Variants in L3MBTL3 observed in about 807,000 individuals in gnomAD.
L3MBTL3 encodes the protein lethal(3)malignant brain tumor-like protein 3.
L3MBTL3 carries 27 observed loss-of-function variants against 102.3 expected under a neutral mutation model. That is an observed-to-expected ratio of 0.26 (90% CI 0.19 to 0.36). L3MBTL3 has a LOEUF of 0.36. Among genes scored for constraint, L3MBTL3 ranks in the 10% least tolerant of loss-of-function variants. L3MBTL3 has a pLI of 1.00. For missense variants in L3MBTL3, 798 were observed against 955.3 expected (o/e 0.84, Z 2.17); for synonymous variants, 340 against 320.9 (o/e 1.06, Z -0.64).
chr6:130,117,812 G>T (rs1011070555), intron 19 of L3MBTL3, among the ~76,000 whole-genome samples: 4 of 149,158 alleles, frequency 2.7e-5, no homozygotes, highest in African/African-American at 9.9e-5. Context: ...TGACCCACCT[G>T]CCTCAGCTTC....
chr6:130,121,064 T>C, intron 20 of L3MBTL3, 106 bp downstream of exon 20: 1 of 724,914 alleles, frequency 1.4e-6, no homozygotes, highest in South Asian at 2.1e-5. Context: ...AAATGAATTT[T>C]ATTTTTTATT....
chr6:130,090,603 T>C (rs1783981951), intron 16 of L3MBTL3, among the ~76,000 whole-genome samples: 1 of 152,178 alleles, frequency 6.6e-6, no homozygotes. Context: ...TTCTTTTCTT[T>C]TTCTTTTTTT....
At chr6:130,118,424 G>A (rs1582611191) in intron 19 of L3MBTL3, among the ~76,000 whole-genome samples, 2 of 152,098 alleles carry the variant, frequency 1.3e-5, no homozygotes, top group East Asian at 1.9e-4. Flanking sequence ...GGATGTGCTC[G>A]ATTAAGATTC....
chr6:130,050,982 T>G lies in L3MBTL3; in HGVS notation c.290-267T>G, dbSNP rs531371131. On this transcript the variant is annotated intron_variant, in intron 5 of 22. Transcript: ENST00000361794. The stretch of plus-strand genomic sequence containing the variant: ...TCTGAATTTAGTGACTAGTGAAATT[T>G]TCTTCATTTTACTTTGAACTCTGTA... 2.6e-5 allele frequency among the ~76,000 whole-genome samples: 4 copies of G among 152,346 alleles called. No homozygotes were observed. In the East Asian group the frequency reaches 5.8e-4, roughly 22 times the overall value.
In L3MBTL3 at chr6:130,051,290, C is replaced by G; in HGVS notation, c.331C>G (p.Pro111Ala). ...TGGGATGCCTTTCAGGTTGAAGGATCCAGTGAAAGTAGAAGGGCTTCAGTT... is the reference window on the plus strand; with the variant it reads ...TGGGATGCCTTTCAGGTTGAAGGATGCAGTGAAAGTAGAAGGGCTTCAGTT... Reference protein sequence around the residue: ...KTGMPFRLKDPVKVEGLQFCE... With the variant: ...KTGMPFRLKDAVKVEGLQFCE... The change falls in exon 6 of 23, where the codon CCA becomes GCA. Residue 111 changes from proline to alanine, a missense_variant. Pro to Ala is a conservative substitution (Grantham distance 27, BLOSUM62 -1). Around this residue, in one of 4 missense-constraint regions of L3MBTL3, gnomAD observed 434 missense variants for 506.6 expected, o/e 0.86. Coordinates refer to ENST00000361794, the MANE Select transcript of L3MBTL3 (RefSeq NM_032438.4). 6.2e-7 allele frequency: 1 copy of G among 1,613,750 alleles called. No homozygotes were observed. The highest frequency in any genetic ancestry group is 8.5e-7 in the Non-Finnish European group (1 of 1,179,714).
At chr6:130,093,115 G>A (rs1448944949) in intron 17 of L3MBTL3, among the ~76,000 whole-genome samples, 1 of 152,108 alleles carries the variant, frequency 6.6e-6, no homozygotes, top group East Asian at 1.9e-4. Context: ...TACAATTAGT[G>A]TTGAATTTTT....
chr6:130,086,978 A>G (rs1016308937), intron 16 of L3MBTL3, among the ~76,000 whole-genome samples: 9 of 152,224 alleles, frequency 5.9e-5, no homozygotes, highest in Non-Finnish European at 1.2e-4. Flanking sequence ...TTCTCATATT[A>G]TTTAACATTT....
intron 3 of L3MBTL3, among the ~76,000 whole-genome samples, chr6:130,045,067 A>G (rs546294850): frequency 6.6e-6 from 1 of 152,254 alleles, no homozygotes; most frequent in East Asian, 1.9e-4. Flanking sequence ...TGCTGTTTTG[A>G]AATAACTTTT....
intron 3 of L3MBTL3, among the ~76,000 whole-genome samples, chr6:130,048,860 T>C (rs193234634): frequency 6.6e-6 from 1 of 152,096 alleles, no homozygotes; most frequent in East Asian, 1.9e-4. Context: ...AGTTGATTCC[T>C]GGGAAAAGAG....
chr6:130,062,010 GTT>G (rs1781929747), intron 10 of L3MBTL3, among the ~76,000 whole-genome samples: 1 of 152,102 alleles, frequency 6.6e-6, no homozygotes, highest in Non-Finnish European at 1.5e-5. Context: ...ACAGAATTGA[GTT>G]TTACAAAATC....
intron 12 of L3MBTL3, chr6:130,070,750 G>GC (rs1285088896): frequency 3.3e-6 from 1 of 298,920 alleles, no homozygotes; most frequent in East Asian, 4.5e-5. Context: ...TCGTTTTGAG[G>GC]CCCAGATAGC....
intron 13 of L3MBTL3, among the ~76,000 whole-genome samples, chr6:130,073,944 G>T (rs1782789521): frequency 6.6e-6 from 1 of 152,134 alleles, no homozygotes; most frequent in South Asian, 2.1e-4. Flanking sequence ...AACGAAAACA[G>T]TGTGTTTTCT....
rs189275372 is a variant in L3MBTL3 at position 130,051,375 on chromosome 6, G to A, written c.416G>A (p.Cys139Tyr). ...VDECLSGGNY[C>Y]SQNCARHIKD... ...GAGTGTCTTTCTGGAGGAAACTATT[G>A]CAGCCAGAATTGTGCTCGGCACATC... Residue 139 changes from cysteine (C) to tyrosine (Y), a missense_variant, in exon 6 of 23, where the codon TGC becomes TAC. Coordinates refer to ENST00000361794, the MANE Select transcript of L3MBTL3 (RefSeq NM_032438.4). 5 of 1,614,070 alleles carry A rather than the reference G, an allele frequency of 3.1e-6. No homozygotes were observed. The Admixed American group carries it at 5.0e-5, about 16-fold the overall frequency.
chr6:130,101,440 C>A (rs915999170), intron 18 of L3MBTL3, among the ~76,000 whole-genome samples: 1 of 152,180 alleles, frequency 6.6e-6, no homozygotes, highest in Non-Finnish European at 1.5e-5. Flanking sequence ...ACTAGGGAGC[C>A]ACAAGGGACC....
intron 16 of L3MBTL3, among the ~76,000 whole-genome samples, chr6:130,089,425 C>T (rs1783895882): frequency 6.6e-6 from 1 of 151,904 alleles, no homozygotes; most frequent in African/African-American, 2.4e-5. Flanking sequence ...CATAGTATTC[C>T]ATGGTGTATA....
chr6:130,134,129 C>T (rs1363869703), intron 22 of L3MBTL3, among the ~76,000 whole-genome samples: 1 of 152,006 alleles, frequency 6.6e-6, no homozygotes, highest in African/African-American at 2.4e-5. Flanking sequence ...TATGATACCC[C>T]ACAGCAGTAA....
At chr6:130,020,214 C>T (rs1433754317) in intron 1 of L3MBTL3, among the ~76,000 whole-genome samples, 6 of 147,370 alleles carry the variant, frequency 4.1e-5, no homozygotes, top group Admixed American at 1.3e-4. Flanking sequence ...CCCCGCGGGC[C>T]GTCCTCGCGC....
chr6:130,091,907 ATAGAGT>A (rs1784074676), intron 16 of L3MBTL3, among the ~76,000 whole-genome samples: 1 of 151,976 alleles, frequency 6.6e-6, no homozygotes, highest in African/African-American at 2.4e-5. Context: ...AGGCGCAAAA[ATAGAGT>A]TAGATAGAAT....
intron 3 of L3MBTL3, among the ~76,000 whole-genome samples, chr6:130,048,396 T>A (rs1299263342): frequency 6.6e-6 from 1 of 152,186 alleles, no homozygotes; most frequent in East Asian, 1.9e-4. Context: ...TTGAAACCCA[T>A]GAATGTGTGA....
Sources: gnomAD v4.1 joint callset for allele counts (sites outside exome capture counted in the v4.1 genomes callset) on GRCh38, gnomAD v4.1.1 for gene constraint, gnomAD v4.1.1 regional missense constraint, MANE v1.5 for transcripts, NCBI Gene and HGNC (gene_info 2026-07-23, HGNC 2026-07-21) for gene names.